STAM: variants seen among roughly 807,000 people sequenced by gnomAD.
The protein encoded by STAM is signal transducing adaptor molecule, also known as signal transducing adapter molecule 1.
In STAM, 16 loss-of-function variants were observed where a neutral mutation model predicts 63.4. That is an observed-to-expected ratio of 0.25 (90% CI 0.17 to 0.38). The LOEUF (loss-of-function observed/expected upper bound fraction) is 0.38. STAM is among the 10% of genes least tolerant of loss of function. The pLI, the probability that STAM is intolerant of heterozygous loss-of-function variation, is 1.00. For synonymous variants in STAM, 238 were observed against 223.9 expected, an observed-to-expected ratio of 1.06 and a Z score of -0.56; for missense variants, 636 against 657.1, an observed-to-expected ratio of 0.97 and a Z score of 0.35.
intron 2 of STAM, among the ~76,000 whole-genome samples, chr10:17,666,990 C>T (rs1834414182): frequency 6.6e-6 from 1 of 152,168 alleles, no homozygotes; most frequent in Non-Finnish European, 1.5e-5. Flanking sequence ...TTACAGTGCC[C>T]TATGAACATT....
chr10:17,685,760 A>G (rs1337878873), intron 4 of STAM, among the ~76,000 whole-genome samples: 2 of 152,144 alleles, frequency 1.3e-5, no homozygotes, highest in South Asian at 2.1e-4. Context: ...CTGTTTTTCT[A>G]TTGGGACACA....
rs577531712 is a variant in STAM at position 17,698,260 on chromosome 10, C to T, written c.823+1391C>T. 7.2e-4 allele frequency among the ~76,000 whole-genome samples: 110 copies of T among 152,126 alleles called. 1 individual carries two copies. Among genetic ancestry groups the T allele is most frequent in the African/African-American group, 2.2e-3 (90 of 41,528 alleles). ...TGTCAACCTTGTTTAAATGGCATTG[C>T]GTAGTGTGCTGACTTTTTAATAACC... On this transcript the variant is annotated intron_variant, in intron 8 of 13. Coordinates refer to ENST00000377524, the MANE Select transcript of STAM (RefSeq NM_003473.4).
chr10:17,676,535 C>G (rs1834863938), intron 2 of STAM, among the ~76,000 whole-genome samples: 1 of 152,058 alleles, frequency 6.6e-6, no homozygotes, highest in Admixed American at 6.6e-5. Flanking sequence ...GAAATACTGC[C>G]CCCTTTTCTT....
chr10:17,714,278 G>A (rs1164630222), intron 13 of STAM, among the ~76,000 whole-genome samples: 1 of 151,854 alleles, frequency 6.6e-6, no homozygotes, highest in African/African-American at 2.4e-5. Context: ...TAGAACAGAC[G>A]CTCCATGGTG....
chr10:17,702,824 A>G (rs1345750444), intron 9 of STAM, among the ~76,000 whole-genome samples: 1 of 152,114 alleles, frequency 6.6e-6, no homozygotes, highest in Admixed American at 6.5e-5. Flanking sequence ...CCTGGCCAAC[A>G]TGGTGAAACC....
chr10:17,650,135 G>A (rs529952928), intron 1 of STAM, among the ~76,000 whole-genome samples: 100 of 152,294 alleles, frequency 6.6e-4, no homozygotes, highest in African/African-American at 2.4e-3. Flanking sequence ...TCATAAGCTA[G>A]ATGAATCTTA....
chr10:17,696,603 C>G lies in STAM; in HGVS notation c.729-172C>G, dbSNP rs191945899. 7.4e-5 allele frequency: 41 copies of G among 552,920 alleles called. 1 individual carries two copies. Among genetic ancestry groups the G allele is most frequent in the Admixed American group, 6.9e-4 (22 of 31,758 alleles). 34.3% of individuals were successfully genotyped at this position (552,920 alleles called of 1,614,324 possible). The stretch of plus-strand genomic sequence containing the variant: ...AACTGTGTGTTGAATAGCTTCTTAC[C>G]TTTTCTGAGGCTTCTTCTTCTTTTG... On this transcript the variant is annotated intron_variant, in intron 7 of 13. Transcript: ENST00000377524.
At chr10:17,648,016 G>A (rs1446691929) in intron 1 of STAM, among the ~76,000 whole-genome samples, 1 of 120,138 alleles carries the variant, frequency 8.3e-6, no homozygotes, top group African/African-American at 3.3e-5. Flanking sequence ...CTCAGTAGAC[G>A]ACAACATGAT....
chr10:17,657,826 T>C (rs1348233810), intron 1 of STAM, among the ~76,000 whole-genome samples: 1 of 151,962 alleles, frequency 6.6e-6, no homozygotes, highest in Non-Finnish European at 1.5e-5. Context: ...ATTTCTGATA[T>C]TAGTAATTGG....
At chr10:17,677,297 TAAAAA>T (rs1321800488) in intron 2 of STAM, among the ~76,000 whole-genome samples, 1 of 151,968 alleles carries the variant, frequency 6.6e-6, no homozygotes, top group South Asian at 2.1e-4. Flanking sequence ...TTTCCTACCT[TAAAAA>T]AAAGTGGTTT....
At chr10:17,693,173 G>A (rs373121185) in intron 5 of STAM, 49 bp from the exon 6 acceptor site, 447 of 1,532,934 alleles carry the variant, frequency 2.9e-4, no homozygotes, top group Non-Finnish European at 3.9e-4. Context: ...GGTGAGAGGA[G>A]GAGAATTTGA....
In STAM at chr10:17,715,777, C is replaced by T. The variant is rs186317937; in HGVS notation, c.*997C>T. 1 of 152,668 alleles carries T rather than the reference C, an allele frequency of 6.6e-6. No homozygotes were observed. The highest frequency in any genetic ancestry group is 2.4e-5 in the African/African-American group (1 of 41,552). 9.5% of individuals were successfully genotyped at this position (152,668 alleles called of 1,614,324 possible). A position where few individuals can be genotyped will look rare whatever the true frequency, so the allele number is the denominator to read the frequency against. On this transcript the variant is annotated 3_prime_UTR_variant, in exon 14 of 14. Transcript: ENST00000377524. Reference sequence around the variant, plus strand: ...GAATTACACTACATTTTCGAAGTCTCTTGTAATTATTTGGGATATCAACAA... The same window carrying T: ...GAATTACACTACATTTTCGAAGTCTTTTGTAATTATTTGGGATATCAACAA...
intron 9 of STAM, among the ~76,000 whole-genome samples, chr10:17,702,700 G>A (rs1836052292): frequency 1.3e-5 from 2 of 152,108 alleles, no homozygotes; most frequent in African/African-American, 4.8e-5. Flanking sequence ...AGTGATGTTT[G>A]GCTGATTGCA....
At chr10:17,682,858 G>T (rs1835142656) in intron 2 of STAM, among the ~76,000 whole-genome samples, 1 of 152,058 alleles carries the variant, frequency 6.6e-6, no homozygotes, top group Non-Finnish European at 1.5e-5. Flanking sequence ...CAGTAGATTT[G>T]TCTGTGTTTC....
At chr10:17,688,578 G>A (rs1044315889) in intron 5 of STAM, among the ~76,000 whole-genome samples, 1 of 151,626 alleles carries the variant, frequency 6.6e-6, no homozygotes, top group Admixed American at 6.6e-5. Flanking sequence ...TTCTCCTGCC[G>A]CAGCCTCCTG....
At chr10:17,673,026 G>T in intron 2 of STAM, 2 of 985,310 alleles carry the variant, frequency 2.0e-6, no homozygotes, top group Non-Finnish European at 2.4e-6. Context: ...TACCAAAATG[G>T]GGTTTTAAGA....
intron 8 of STAM, among the ~76,000 whole-genome samples, chr10:17,699,974 G>A (rs1291117984): frequency 1.3e-5 from 2 of 152,128 alleles, no homozygotes; most frequent in African/African-American, 4.8e-5. Flanking sequence ...TATGGAAACT[G>A]TAAAATGTTT....
intron 6 of STAM, chr10:17,694,780 T>A (rs1414654972): frequency 1.0e-4 from 30 of 299,730 alleles, no homozygotes; most frequent in Non-Finnish European, 1.3e-4. Context: ...TTTGTATTTT[T>A]TATTACCCAG....
intron 2 of STAM, among the ~76,000 whole-genome samples, chr10:17,668,198 G>C (rs1229359994): frequency 1.3e-5 from 2 of 152,158 alleles, no homozygotes; most frequent in African/African-American, 4.8e-5. Flanking sequence ...GACAGGTGAA[G>C]GGGCATTTGA....
Sources: gnomAD v4.1 joint callset for allele counts (sites outside exome capture counted in the v4.1 genomes callset) on GRCh38, gnomAD v4.1.1 for gene constraint, MANE v1.5 for transcripts, NCBI Gene and HGNC (gene_info 2026-07-23, HGNC 2026-07-21) for gene names.